Variants in EYS observed in about 807,000 individuals in gnomAD.
The protein encoded by EYS is protein eyes shut homolog.
In EYS, 250 loss-of-function variants were observed where a neutral mutation model predicts 282.1. The observed-to-expected ratio is 0.89, with a 90% CI of 0.80 to 0.98. EYS has a LOEUF of 0.98. EYS is among the 50% of genes least tolerant of loss of function. The pLI, the probability that EYS is intolerant of heterozygous loss-of-function variation, is 0.00. For missense variants in EYS, 4,016 were observed against 3,709.0 expected (o/e 1.08, Z -2.15); for synonymous variants, 1,355 against 1,282.9 (o/e 1.06, Z -1.20).
chr6:65,620,223 A>T (rs2149801338), intron 2 of EYS, among the ~76,000 whole-genome samples: 1 of 152,212 alleles, frequency 6.6e-6, no homozygotes, highest in East Asian at 1.9e-4. Context: ...TCATTGCCGC[A>T]ATTTCAGATC....
At chr6:64,265,204 A>C (rs2150354908) in intron 30 of EYS, among the ~76,000 whole-genome samples, 1 of 152,272 alleles carries the variant, frequency 6.6e-6, no homozygotes, top group South Asian at 2.1e-4. Context: ...TGCAATTTAA[A>C]GTCACAAAAA....
At chr6:65,443,310 A>G (rs1356399405) in intron 5 of EYS, among the ~76,000 whole-genome samples, 2 of 114,402 alleles carry the variant, frequency 1.7e-5, no homozygotes, top group Non-Finnish European at 4.2e-5. Flanking sequence ...ATGTGTGTAC[A>G]CATATAGACA....
intron 31 of EYS, among the ~76,000 whole-genome samples, chr6:64,117,242 A>C (rs1773415606): frequency 6.6e-6 from 1 of 151,996 alleles, no homozygotes; most frequent in African/African-American, 2.4e-5. Flanking sequence ...AATCAATTAC[A>C]GAGGAAAAAC....
chr6:65,440,855 ATATATAGATTTATAT>A (rs1016211218), intron 5 of EYS, among the ~76,000 whole-genome samples: 1 of 147,030 alleles, frequency 6.8e-6, no homozygotes, highest in African/African-American at 2.5e-5. Context: ...GTATATATAT[ATATATAGATTTATAT>A]TATATATTTA....
chr6:64,069,915 T>C (rs554380859), intron 32 of EYS, among the ~76,000 whole-genome samples: 23 of 152,264 alleles, frequency 1.5e-4, no homozygotes, highest in African/African-American at 5.3e-4. Context: ...TAATTATATT[T>C]TTTTCAAATA....
chr6:65,258,004 T>C (rs1767516400), intron 12 of EYS, among the ~76,000 whole-genome samples: 1 of 152,164 alleles, frequency 6.6e-6, no homozygotes, highest in African/African-American at 2.4e-5. Flanking sequence ...AATTGGAATG[T>C]ACCTAACACA....
intron 41 of EYS, among the ~76,000 whole-genome samples, chr6:63,737,347 A>T (rs908013196): frequency 6.6e-6 from 1 of 152,006 alleles, no homozygotes; most frequent in African/African-American, 2.4e-5. Flanking sequence ...TGAGATAATC[A>T]TGTGGTTTTT....
At chr6:64,943,804 G>A (rs918533052) in intron 15 of EYS, among the ~76,000 whole-genome samples, 3 of 151,952 alleles carry the variant, frequency 2.0e-5, no homozygotes, top group Non-Finnish European at 1.5e-5. Context: ...CAGATTCAAC[G>A]TATCAACCTA....
chr6:64,592,766 T>A (rs1041532623), intron 25 of EYS, among the ~76,000 whole-genome samples: 17 of 152,218 alleles, frequency 1.1e-4, no homozygotes, highest in South Asian at 2.1e-4. Flanking sequence ...GAATATAAAT[T>A]TACCTTAATG....
chr6:65,595,266 C>A (rs987459664), intron 2 of EYS, among the ~76,000 whole-genome samples: 1 of 151,904 alleles, frequency 6.6e-6, no homozygotes, highest in Non-Finnish European at 1.5e-5. Context: ...GGGAACTGAA[C>A]AATGAGAACA....
intron 29 of EYS, among the ~76,000 whole-genome samples, chr6:64,329,728 CT>C (rs2150389626): frequency 6.6e-6 from 1 of 152,220 alleles, no homozygotes; most frequent in South Asian, 2.1e-4. Context: ...AGATGTGCCT[CT>C]TCTTGGAACA....
intron 34 of EYS, among the ~76,000 whole-genome samples, chr6:63,988,938 G>T (rs144577103): frequency 6.6e-6 from 1 of 151,614 alleles, no homozygotes; most frequent in Admixed American, 6.6e-5. Flanking sequence ...AATCCATCAG[G>T]CAGGGGAGAG....
intron 26 of EYS, among the ~76,000 whole-genome samples, chr6:64,482,901 T>G (rs79355287): frequency 4.6e-4 from 70 of 151,750 alleles, no homozygotes; most frequent in African/African-American, 1.6e-3. Flanking sequence ...TTTCATAGGT[T>G]CCAAATTAGA....
chr6:64,127,632 T>C (rs55841336), intron 31 of EYS, among the ~76,000 whole-genome samples: 10,217 of 152,188 alleles, frequency 0.067, 871 homozygotes, highest in African/African-American at 0.2. Flanking sequence ...GAAAATGTAA[T>C]TCACAAGCTT....
chr6:64,096,157 C>T (rs1426364246), intron 31 of EYS, among the ~76,000 whole-genome samples: 23 of 152,146 alleles, frequency 1.5e-4, no homozygotes, highest in Admixed American at 1.5e-3. Context: ...GTGGGTAACC[C>T]GACCTTTCTC....
chr6:65,342,933 G>A (rs1770252360), intron 10 of EYS, among the ~76,000 whole-genome samples: 1 of 150,960 alleles, frequency 6.6e-6, no homozygotes, highest in Non-Finnish European at 1.5e-5. Context: ...GAATTATTAA[G>A]TGTATTATAA....
intron 29 of EYS, among the ~76,000 whole-genome samples, chr6:64,326,558 T>A (rs1454097698): frequency 6.6e-6 from 1 of 152,190 alleles, no homozygotes; most frequent in African/African-American, 2.4e-5. Flanking sequence ...TCACCTTAAT[T>A]TGATAAACTC....
intron 12 of EYS, among the ~76,000 whole-genome samples, chr6:65,093,074 A>G (rs1774621953): frequency 6.6e-6 from 1 of 152,018 alleles, no homozygotes; most frequent in African/African-American, 2.4e-5. Flanking sequence ...CATACAAGCA[A>G]CCCTCATAAA....
At chr6:65,076,949 AC>A (rs1417254969) in intron 12 of EYS, among the ~76,000 whole-genome samples, 1 of 152,056 alleles carries the variant, frequency 6.6e-6, no homozygotes, top group Non-Finnish European at 1.5e-5. Flanking sequence ...AGAAAACTGA[AC>A]TGAGAATTAG....
Sources: allele counts gnomAD v4.1 joint callset (sites outside exome capture counted in the v4.1 genomes callset), GRCh38; gene constraint gnomAD v4.1.1; transcripts MANE v1.5; gene names NCBI Gene and HGNC (gene_info 2026-07-23, HGNC 2026-07-21).